SLC41A2: variants seen among roughly 807,000 people sequenced by gnomAD.
The protein encoded by SLC41A2 is solute carrier family 41 member 2, also known as SLC41A1-like 1.
SLC41A2 carries 32 observed loss-of-function variants against 58.3 expected under a neutral mutation model. The observed-to-expected ratio is 0.55, with a 90% CI of 0.41 to 0.74. The LOEUF (loss-of-function observed/expected upper bound fraction) is 0.74. Among genes scored for constraint, SLC41A2 ranks in the 30% least tolerant of loss-of-function variants. The pLI is 0.00. For synonymous variants in SLC41A2, 190 were observed against 235.0 expected, an observed-to-expected ratio of 0.81 and a Z score of 1.75; for missense variants, 514 against 680.6, an observed-to-expected ratio of 0.76 and a Z score of 2.72.
rs529145271 is a variant in SLC41A2 at position 104,918,240 on chromosome 12, T to C, written c.556-8478A>G. On this transcript the variant is annotated intron_variant, in intron 2 of 10. Coordinates refer to ENST00000258538, the MANE Select transcript of SLC41A2 (RefSeq NM_001352171.3). ...TTCTTTGGTGGAATCTGGTAATACC[T>C]ATCAAATGTAAAATGACCAAAATTT... Among the ~76,000 whole-genome samples the C allele has an allele frequency of 5.9e-5, 9 of 152,112 alleles. 1 individual carries two copies. The highest frequency in any genetic ancestry group is 2.2e-4 in the African/African-American group (9 of 41,526).
intron 9 of SLC41A2, among the ~76,000 whole-genome samples, 186 bp from the exon 10 acceptor site, chr12:104,844,806 A>G (rs932070432): frequency 6.6e-6 from 1 of 152,180 alleles, no homozygotes; most frequent in African/African-American, 2.4e-5. Flanking sequence ...TCCACTATAT[A>G]TGTTAATTAA....
chr12:104,935,852 G>T (rs1260370509), intron 1 of SLC41A2, among the ~76,000 whole-genome samples: 2 of 152,150 alleles, frequency 1.3e-5, no homozygotes, highest in Non-Finnish European at 2.9e-5. Context: ...AGACCAGCCT[G>T]GCCAACACGG....
chr12:104,958,503 G>C (rs1165482293), upstream of SLC41A2: 1 of 152,264 alleles, frequency 6.6e-6, no homozygotes, highest in Non-Finnish European at 1.5e-5. Flanking sequence ...CTGGATGACG[G>C]CAAGGGGGCA....
At chr12:104,932,966 T>C (rs2047126631) in intron 1 of SLC41A2, among the ~76,000 whole-genome samples, 1 of 152,092 alleles carries the variant, frequency 6.6e-6, no homozygotes, top group Non-Finnish European at 1.5e-5. Context: ...CTTCTGGACA[T>C]TGGTGTAGGC....
At position 104,814,411 on chromosome 12, in the gene SLC41A2, C is replaced by T. The variant is rs1318052038; in HGVS notation, c.1537-9074G>A. Among the ~76,000 whole-genome samples the T allele has an allele frequency of 2.6e-5, 4 of 152,226 alleles. No individual in the cohort carries two copies. The East Asian group carries it at 7.7e-4, about 29-fold the overall frequency. ...CAACAAACAAACAAACAAAAAAACA[C>T]TACTCATCTTACAGATACTTCTTAC... On this transcript the variant is annotated intron_variant, in intron 10 of 10. Transcript: ENST00000258538.
chr12:104,809,437 G>T (rs1271678682), intron 10 of SLC41A2, among the ~76,000 whole-genome samples: 1 of 152,130 alleles, frequency 6.6e-6, no homozygotes, highest in East Asian at 1.9e-4. Context: ...CTATTCCAAA[G>T]GCATGAATTT....
In SLC41A2 at chr12:104,882,634, T is replaced by C. The variant is rs1381733634; in HGVS notation, c.1027+3659A>G. On this transcript the variant is annotated intron_variant, in intron 6 of 10. Coordinates refer to ENST00000258538, the MANE Select transcript of SLC41A2 (RefSeq NM_001352171.3). ...TTGAAAATTCTTTTCTTTAAGAATG[T>C]TGAATATTGGCCCCCACTCTCTTCT... Among the ~76,000 whole-genome samples, 7 of 152,320 alleles carry C rather than the reference T, an allele frequency of 4.6e-5. No homozygotes were observed. The East Asian group carries it at 1.3e-3, about 29-fold the overall frequency.
At chr12:104,825,281 C>G (rs996906380) in intron 10 of SLC41A2, among the ~76,000 whole-genome samples, 8 of 152,254 alleles carry the variant, frequency 5.3e-5, no homozygotes, top group African/African-American at 1.7e-4. Context: ...CCTGGGCATG[C>G]CTGCAGCAGG....
chr12:104,858,243 G>C (rs952845392), intron 8 of SLC41A2, among the ~76,000 whole-genome samples: 1 of 151,966 alleles, frequency 6.6e-6, no homozygotes, highest in Non-Finnish European at 1.5e-5. Flanking sequence ...TATGAACACA[G>C]ATATGCCTTA....
chr12:104,853,911 A>ATTATTATTATTATTTATTTTTTTTTTT, intron 8 of SLC41A2, among the ~76,000 whole-genome samples: 1 of 59,494 alleles, frequency 1.7e-5, no homozygotes, highest in Non-Finnish European at 3.2e-5. Context: ...TGCCTGGCTG[A>ATTATTATTATTATTTATTTTTTTTTTT]TTTTTTTTTT....
intron 1 of SLC41A2, among the ~76,000 whole-genome samples, chr12:104,935,147 T>C (rs965541287): frequency 6.7e-6 from 1 of 150,320 alleles, no homozygotes; most frequent in African/African-American, 2.5e-5. Context: ...TTAGTAGAAA[T>C]GGGGTTTCAC....
chr12:104,806,909 G>GTTGT (rs902228977), intron 10 of SLC41A2, among the ~76,000 whole-genome samples: 1 of 152,134 alleles, frequency 6.6e-6, no homozygotes, highest in African/African-American at 2.4e-5. Flanking sequence ...TGTTGATGGG[G>GTTGT]TTGTTTGTTT....
At chr12:104,868,247 G>A (rs1469608201) in intron 6 of SLC41A2, among the ~76,000 whole-genome samples, 8 of 152,136 alleles carry the variant, frequency 5.3e-5, no homozygotes, top group Non-Finnish European at 1.5e-5. Context: ...AACTAAGGTT[G>A]CCAATAATTT....
chr12:104,941,229 C>T (rs1314773062), intron 1 of SLC41A2, among the ~76,000 whole-genome samples: 1 of 152,098 alleles, frequency 6.6e-6, no homozygotes, highest in Non-Finnish European at 1.5e-5. Flanking sequence ...CTACTGATAC[C>T]CCAGAGCTAG....
intron 10 of SLC41A2, among the ~76,000 whole-genome samples, chr12:104,821,530 C>T (rs1323447866): frequency 6.6e-6 from 1 of 151,982 alleles, no homozygotes; most frequent in Non-Finnish European, 1.5e-5. Context: ...ATGGTAGTCC[C>T]GCTAAATATA....
At chr12:104,847,297 G>A (rs1014922235) in intron 8 of SLC41A2, among the ~76,000 whole-genome samples, 1 of 151,838 alleles carries the variant, frequency 6.6e-6, no homozygotes, top group Non-Finnish European at 1.5e-5. Flanking sequence ...GACGAACATC[G>A]AATAAAGTTT....
intron 8 of SLC41A2, among the ~76,000 whole-genome samples, chr12:104,850,876 AATGTGTT>A (rs1429426575): frequency 3.9e-5 from 6 of 152,354 alleles, no homozygotes; most frequent in African/African-American, 1.4e-4. Flanking sequence ...TTTCTTTAAA[AATGTGTT>A]TAAAAGTCAC....
At chr12:104,917,086 G>A (rs1376650898) in intron 2 of SLC41A2, among the ~76,000 whole-genome samples, 27 of 151,172 alleles carry the variant, frequency 1.8e-4, no homozygotes, top group Admixed American at 1.7e-3. Context: ...CTGACAAAGG[G>A]CTAATATCCA....
intron 1 of SLC41A2, among the ~76,000 whole-genome samples, chr12:104,957,881 C>T (rs931771444): frequency 6.6e-6 from 1 of 151,624 alleles, no homozygotes; most frequent in Admixed American, 6.6e-5. Context: ...GTGGGGCAGG[C>T]GCGGGGGCCT....
Sources: gnomAD v4.1 joint callset for allele counts (sites outside exome capture counted in the v4.1 genomes callset) on GRCh38, gnomAD v4.1.1 for gene constraint, MANE v1.5 for transcripts, NCBI Gene and HGNC (gene_info 2026-07-23, HGNC 2026-07-21) for gene names.